CPS1: variants seen among roughly 807,000 people sequenced by gnomAD.
CPS1 encodes the protein carbamoyl-phosphate synthase 1, also known as carbamoyl-phosphate synthase [ammonia], mitochondrial.
In CPS1, 109 loss-of-function variants were observed where a neutral mutation model predicts 174.6. The ratio of observed to expected loss-of-function variants is 0.62; its 90% CI spans 0.53 to 0.73. CPS1 has a LOEUF of 0.73. CPS1 is among the 30% of genes least tolerant of loss of function. The pLI, the probability that CPS1 is intolerant of heterozygous loss-of-function variation, is 0.00. For missense variants in CPS1, 1,689 were observed against 1,821.9 expected, an observed-to-expected ratio of 0.93 and a Z score of 1.33; for synonymous variants, 637 against 632.0, an observed-to-expected ratio of 1.01 and a Z score of -0.12.
chr2:210,490,882 T>C (rs1178187193), intron 1 of CPS1, among the ~76,000 whole-genome samples: 1 of 152,186 alleles, frequency 6.6e-6, no homozygotes, highest in Non-Finnish European at 1.5e-5. Context: ...GAATCCTAGG[T>C]TGGGAGTCTA....
At chr2:210,676,408 G>A (rs1051128609) in intron 36 of CPS1, among the ~76,000 whole-genome samples, 17 of 152,324 alleles carry the variant, frequency 1.1e-4, no homozygotes, top group African/African-American at 4.1e-4. Flanking sequence ...AAAGATCTAT[G>A]TGGCATAAGT....
At chr2:210,492,834 T>A (rs1694905391) in intron 1 of CPS1, among the ~76,000 whole-genome samples, 1 of 151,210 alleles carries the variant, frequency 6.6e-6, no homozygotes, top group South Asian at 2.1e-4. Flanking sequence ...CATATCACAT[T>A]GAAATACAGT....
chr2:210,496,797 A>C (rs1159348055), intron 1 of CPS1, among the ~76,000 whole-genome samples: 1 of 152,166 alleles, frequency 6.6e-6, no homozygotes, highest in Non-Finnish European at 1.5e-5. Context: ...TGCACGGCTC[A>C]GTGCCTCACC....
intron 1 of CPS1, among the ~76,000 whole-genome samples, chr2:210,512,496 G>T (rs1380094330): frequency 6.6e-6 from 1 of 151,522 alleles, no homozygotes; most frequent in Non-Finnish European, 1.5e-5. Flanking sequence ...TAGGATAATG[G>T]CCTCCAGCTA....
At chr2:210,571,855 T>TTGTGTGTGTGTGTGTGTG (rs71043997) in intron 1 of CPS1, among the ~76,000 whole-genome samples, 1 of 139,646 alleles carries the variant, frequency 7.2e-6, no homozygotes, top group Non-Finnish European at 1.6e-5. Flanking sequence ...CTACTAAAGT[T>TTGTGTGTGTGTGTGTGTG]TGTGTGTGTG....
intron 16 of CPS1, 103 bp downstream of exon 16, chr2:210,602,433 A>G: frequency 7.1e-7 from 1 of 1,401,270 alleles, no homozygotes; most frequent in South Asian, 1.2e-5. Flanking sequence ...CATTTTCTTT[A>G]TTAAATCATG....
In CPS1 at chr2:210,513,182, A is replaced by C. The variant is rs537655018; in HGVS notation, c.3+35416A>C. Reference sequence around the variant, plus strand: ...TATATATGTATGGATATATATATATATCTCTCTCTCTCCATAATGGGATTG... The same window carrying C: ...TATATATGTATGGATATATATATATCTCTCTCTCTCTCCATAATGGGATTG... On this transcript the variant is annotated intron_variant, in intron 1 of 38. Transcript: ENST00000430249. Among the ~76,000 whole-genome samples, 14 of 144,146 alleles carry C rather than the reference A, an allele frequency of 9.7e-5. No individual in the cohort carries two copies. The East Asian group carries it at 1.0e-3, about 11-fold the overall frequency. The allele number at this position is 144,146 out of a possible 152,430, so 94.6% of individuals were successfully genotyped here.
intron 25 of CPS1, among the ~76,000 whole-genome samples, chr2:210,646,547 A>G (rs1430145299): frequency 6.6e-6 from 1 of 152,168 alleles, no homozygotes; most frequent in African/African-American, 2.4e-5. Context: ...TTTGGCACAT[A>G]TCTATCATTT....
At position 210,577,437 on chromosome 2, in the gene CPS1, T is replaced by C; in HGVS notation, c.398T>C (p.Val133Ala). The C allele has an allele frequency of 1.2e-6, 2 of 1,613,842 alleles. No homozygotes were observed. Among genetic ancestry groups the C allele is most frequent in the Non-Finnish European group, 1.7e-6 (2 of 1,179,790 alleles). The change falls in exon 4 of 38, where the codon GTG becomes GCG. Residue 133 changes from valine (V) to alanine (A), a missense_variant. Transcript: ENST00000233072. Reference protein sequence around the residue: ...SNGIKVSGLLVLDYSKDYNHW... With the variant: ...SNGIKVSGLLALDYSKDYNHW... ...TCTTTCTAGGTTTCAGGTTTGCTGG[T>C]GCTGGATTATAGTAAAGACTACAAC...
At chr2:210,643,612 A>G (rs1700290923) in intron 25 of CPS1, among the ~76,000 whole-genome samples, 1 of 152,114 alleles carries the variant, frequency 6.6e-6, no homozygotes. Context: ...GTTAACATAG[A>G]GTTTATGGCC....
Position 210,513,135 on chromosome 2 carries a change from G to A in CPS1, c.3+35369G>A, listed in dbSNP as rs906409511. On this transcript the variant is annotated intron_variant, in intron 1 of 38. Coordinates refer to the CPS1 transcript ENST00000430249. ...ATATATGGAGATATATATATATGGA[G>A]ATATATATATGGGGAGATATATATA... Among the ~76,000 whole-genome samples, 17 of 139,170 alleles carry A rather than the reference G, an allele frequency of 1.2e-4. 1 individual carries two copies. Among genetic ancestry groups the A allele is most frequent in the Non-Finnish European group, 2.0e-4 (13 of 64,330 alleles). The allele number at this position is 139,170 out of a possible 152,430, so 91.3% of individuals were successfully genotyped here.
At chr2:210,632,460 G>C (rs2105889049) in intron 21 of CPS1, among the ~76,000 whole-genome samples, 1 of 152,002 alleles carries the variant, frequency 6.6e-6, no homozygotes, top group South Asian at 2.1e-4. Context: ...ATACAATTTT[G>C]TATCAGAATA....
intron 1 of CPS1, among the ~76,000 whole-genome samples, chr2:210,525,679 C>T (rs528485181): frequency 1.3e-4 from 19 of 151,248 alleles, no homozygotes; most frequent in African/African-American, 4.4e-4. Context: ...GCTCTTGAGT[C>T]GTTTGGAGAT....
At chr2:210,675,999 G>A (rs1300651278) in intron 36 of CPS1, among the ~76,000 whole-genome samples, 159 bp downstream of exon 36, 1 of 152,156 alleles carries the variant, frequency 6.6e-6, no homozygotes, top group Non-Finnish European at 1.5e-5. Context: ...CCATCACTAT[G>A]GAATACATAA....
intron 18 of CPS1, 78 bp downstream of exon 18, chr2:210,607,019 T>A: frequency 1.6e-6 from 2 of 1,278,512 alleles, no homozygotes; most frequent in Non-Finnish European, 2.2e-6. Context: ...AGTGGAAGAC[T>A]GTACTGCATT....
intron 25 of CPS1, among the ~76,000 whole-genome samples, chr2:210,644,349 T>A (rs1700312797): frequency 6.6e-6 from 1 of 152,096 alleles, no homozygotes; most frequent in African/African-American, 2.4e-5. Context: ...AATGAATGAA[T>A]TAATGACAGA....
chr2:210,560,155 C>CT (rs747368172), intron 1 of CPS1, among the ~76,000 whole-genome samples: 7 of 151,140 alleles, frequency 4.6e-5, no homozygotes, highest in East Asian at 1.9e-4. Context: ...AGCAAATAAT[C>CT]TTTTTTTTTC....
intron 5 of CPS1, 104 bp from the exon 6 acceptor site, chr2:210,582,513 G>T: frequency 1.2e-6 from 1 of 825,374 alleles, no homozygotes; most frequent in South Asian, 1.4e-5. Context: ...TAGTTATAAA[G>T]ACATCTAAGT....
chr2:210,508,540 G>A (rs1245781274), intron 1 of CPS1, among the ~76,000 whole-genome samples: 1 of 152,140 alleles, frequency 6.6e-6, no homozygotes, highest in East Asian at 1.9e-4. Flanking sequence ...GAGCAGAACT[G>A]AAGGAAATAG....
Sources: allele counts gnomAD v4.1 joint callset (sites outside exome capture counted in the v4.1 genomes callset), GRCh38; gene constraint gnomAD v4.1.1; transcripts MANE v1.5; gene names NCBI Gene and HGNC (gene_info 2026-07-23, HGNC 2026-07-21).